ADAM12: variants seen among roughly 807,000 people sequenced by gnomAD.
The protein encoded by ADAM12 is disintegrin and metalloproteinase domain-containing protein 12.
A neutral mutation model predicts 106.4 loss-of-function variants in ADAM12; 70 were observed. That is an observed-to-expected ratio of 0.66 (90% CI 0.54 to 0.80). ADAM12 has a LOEUF of 0.80. Ranked by LOEUF, ADAM12 falls within the 30% of genes least tolerant of loss-of-function variation. The pLI is 0.00. For missense variants in ADAM12, 1,010 were observed against 1,171.9 expected, an observed-to-expected ratio of 0.86 and a Z score of 2.02; for synonymous variants, 420 against 433.5, an observed-to-expected ratio of 0.97 and a Z score of 0.39.
chr10:126,082,070 A>C (rs1317638010), intron 11 of ADAM12, among the ~76,000 whole-genome samples: 1 of 152,218 alleles, frequency 6.6e-6, no homozygotes. Context: ...TGGAAGGGCC[A>C]GTTTTTCTTT....
intron 1 of ADAM12, among the ~76,000 whole-genome samples, chr10:126,358,047 G>A (rs559872738): frequency 3.3e-4 from 50 of 151,936 alleles, no homozygotes; most frequent in African/African-American, 1.0e-3. Flanking sequence ...GCGAGGTGGC[G>A]GGTGCCTGTA....
intron 1 of ADAM12, among the ~76,000 whole-genome samples, chr10:126,350,463 C>T (rs139458140): frequency 8.7e-4 from 133 of 152,300 alleles, no homozygotes; most frequent in African/African-American, 2.8e-3. Context: ...GGAATTCAGC[C>T]CCGGGACAGA....
intron 1 of ADAM12, among the ~76,000 whole-genome samples, chr10:126,385,853 A>T (rs958461973): frequency 6.6e-6 from 1 of 152,158 alleles, no homozygotes; most frequent in Admixed American, 6.5e-5. Context: ...TAGACAGGAA[A>T]CTTGAATGCT....
chr10:126,242,711 TAACA>T (rs1002936521), intron 3 of ADAM12, among the ~76,000 whole-genome samples: 2 of 152,128 alleles, frequency 1.3e-5, no homozygotes, highest in African/African-American at 2.4e-5. Context: ...CTGACACAAA[TAACA>T]AACAAAGCCA....
intron 1 of ADAM12, among the ~76,000 whole-genome samples, chr10:126,363,901 T>C (rs1458143375): frequency 2.0e-5 from 3 of 152,158 alleles, no homozygotes. Context: ...CAAACAATCT[T>C]AATTAGAACA....
chr10:126,111,374 G>A (rs916633167), intron 6 of ADAM12, among the ~76,000 whole-genome samples: 3 of 152,168 alleles, frequency 2.0e-5, no homozygotes, highest in Admixed American at 2.0e-4. Flanking sequence ...CACACAAAAT[G>A]AGACACCTTC....
intron 2 of ADAM12, among the ~76,000 whole-genome samples, chr10:126,298,080 A>C (rs1365304558): frequency 6.6e-6 from 1 of 152,192 alleles, no homozygotes; most frequent in Non-Finnish European, 1.5e-5. Flanking sequence ...CACTGATCAC[A>C]AGTGCCCCTA....
chr10:126,383,944 G>T (rs1856571215), intron 1 of ADAM12, among the ~76,000 whole-genome samples: 1 of 152,182 alleles, frequency 6.6e-6, no homozygotes, highest in Admixed American at 6.5e-5. Flanking sequence ...TCACAGTCTA[G>T]CCAATGATAT....
At chr10:126,059,216 G>A (rs1278270) in intron 14 of ADAM12, among the ~76,000 whole-genome samples, 59,695 of 151,966 alleles carry the variant, frequency 0.39, 12,249 homozygotes, top group East Asian at 0.51. Context: ...TAAGCCCACA[G>A]TTTACTCAAT....
At chr10:126,174,230 CAG>C in intron 3 of ADAM12, among the ~76,000 whole-genome samples, 2 of 151,886 alleles carry the variant, frequency 1.3e-5, no homozygotes, top group East Asian at 3.9e-4. Flanking sequence ...TACAAACACA[CAG>C]AGTGTTTTTG....
intron 3 of ADAM12, among the ~76,000 whole-genome samples, chr10:126,245,411 A>G (rs1958609522): frequency 6.6e-6 from 1 of 152,188 alleles, no homozygotes; most frequent in South Asian, 2.1e-4. Flanking sequence ...CACAATTGGG[A>G]ACTGCAGCCC....
chr10:126,358,584 A>C (rs1855630858), intron 1 of ADAM12, among the ~76,000 whole-genome samples: 1 of 152,210 alleles, frequency 6.6e-6, no homozygotes, highest in Non-Finnish European at 1.5e-5. Flanking sequence ...ATCCGGAACA[A>C]GACAAGAATG....
rs1398121917 is a variant in ADAM12 at position 126,129,853 on chromosome 10, T to C, written c.416+5731A>G. Among the ~76,000 whole-genome samples the C allele has an allele frequency of 2.0e-5, 3 of 152,222 alleles. No individual in the cohort carries two copies. The East Asian group carries it at 5.8e-4, about 29-fold the overall frequency. ...TCTCCTCTTTCATGTCCCTTTCTACTGAGATCTTTGTGCTGTTTTTGTCTC... is the reference window on the plus strand; with the variant it reads ...TCTCCTCTTTCATGTCCCTTTCTACCGAGATCTTTGTGCTGTTTTTGTCTC... On this transcript the variant is annotated intron_variant, in intron 5 of 22. Transcript: ENST00000448723.
chr10:126,306,747 T>C (rs1247661978), intron 2 of ADAM12, among the ~76,000 whole-genome samples: 1 of 152,226 alleles, frequency 6.6e-6, no homozygotes, highest in Non-Finnish European at 1.5e-5. Flanking sequence ...GTCTTAACTT[T>C]GCTCCTTTGA....
intron 2 of ADAM12, among the ~76,000 whole-genome samples, chr10:126,317,342 T>G (rs1853914805): frequency 6.6e-6 from 1 of 152,186 alleles, no homozygotes; most frequent in Non-Finnish European, 1.5e-5. Flanking sequence ...CCAACTCTGT[T>G]TTGGGTTTTT....
At chr10:126,368,858 T>G (rs940085657) in intron 1 of ADAM12, among the ~76,000 whole-genome samples, 3 of 152,074 alleles carry the variant, frequency 2.0e-5, no homozygotes, top group African/African-American at 7.2e-5. Context: ...CTATAGAATA[T>G]CCAAACCCAA....
chr10:126,043,222 G>T lies in ADAM12; in HGVS notation c.1996-74C>A. ...CATCACCACAGCAGAAGCAAGGGGG[G>T]CCATGGTCAGAGCCCCCCCCCAACA... is the stretch of plus-strand genomic sequence containing the variant. On this transcript the variant is annotated intron_variant, in intron 17 of 22. Transcript: ENST00000448723. This position sits in a 1 kb window ranked among gnomAD's most constrained non-coding sequence, Gnocchi z 4.1. The T allele has an allele frequency of 1.4e-6, 2 of 1,390,136 alleles. No homozygotes were observed. The highest frequency in any genetic ancestry group is 1.9e-5 in the Admixed American group (1 of 51,842). 86.1% of individuals were successfully genotyped at this position (1,390,136 alleles called of 1,614,324 possible).
intron 3 of ADAM12, among the ~76,000 whole-genome samples, chr10:126,206,649 C>T (rs1322047675): frequency 6.6e-6 from 1 of 152,198 alleles, no homozygotes; most frequent in East Asian, 1.9e-4. Context: ...TATAAGATTA[C>T]ATGGCTGGCA....
chr10:126,282,231 A>G (rs1012052049), intron 2 of ADAM12, among the ~76,000 whole-genome samples: 2 of 152,184 alleles, frequency 1.3e-5, no homozygotes, highest in Non-Finnish European at 2.9e-5. Flanking sequence ...CACCAGCCAT[A>G]TAAGATTAGG....
Sources: allele counts gnomAD v4.1 joint callset (sites outside exome capture counted in the v4.1 genomes callset), GRCh38; gene constraint gnomAD v4.1.1; non-coding constraint Gnocchi (gnomAD v3.1); transcripts MANE v1.5; gene names NCBI Gene and HGNC (gene_info 2026-07-23, HGNC 2026-07-21).